QPCT: variants seen among roughly 807,000 people sequenced by gnomAD.
The protein encoded by QPCT is EC.
In QPCT, 44 loss-of-function variants were observed where a neutral mutation model predicts 43.4. The ratio of observed to expected loss-of-function variants is 1.01; its 90% CI spans 0.80 to 1.30. The LOEUF (loss-of-function observed/expected upper bound fraction) is 1.30. QPCT is among the 50% of genes most tolerant of loss of function. QPCT has a pLI of 0.00. For missense variants in QPCT, 526 were observed against 436.5 expected (o/e 1.21, Z -1.83); for synonymous variants, 168 against 168.4 (o/e 1.00, Z 0.02).
chr2:37,349,132 C>G (rs555253982), intron 1 of QPCT, among the ~76,000 whole-genome samples: 1 of 152,166 alleles, frequency 6.6e-6, no homozygotes, highest in Admixed American at 6.5e-5. Flanking sequence ...TGGTTGTTTC[C>G]TCTTCTCTGT....
At chr2:37,357,627 T>C (rs532431941) in intron 2 of QPCT, among the ~76,000 whole-genome samples, 1 of 152,356 alleles carries the variant, frequency 6.6e-6, no homozygotes, top group South Asian at 2.1e-4. Context: ...GTTAAGGTAC[T>C]GCATGCACAA....
In QPCT at chr2:37,359,826, C is replaced by T. The variant is rs377019889; in HGVS notation, c.514C>T (p.Arg172Cys). 1.1e-5 allele frequency: 18 copies of T among 1,614,014 alleles called. No individual in the cohort carries two copies. In the Middle Eastern group the frequency reaches 4.9e-4, roughly 44 times the overall value. Reference sequence around the variant, plus strand: ...ATGTGCAATGATGTTGGAACTTGCTCGTGCCTTAGACAAGAAACTCCTTTC... The same window carrying T: ...ATGTGCAATGATGTTGGAACTTGCTTGTGCCTTAGACAAGAAACTCCTTTC... ...VPCAMMLELA[R>C]ALDKKLLSLK... The change falls in exon 3 of 7, where the codon CGT becomes TGT. Residue 172 changes from arginine to cysteine, a missense_variant. Transcript: ENST00000338415.
rs759295112 is a variant in QPCT at position 37,372,846 on chromosome 2, G to T, written c.*19G>T. The T allele has an allele frequency of 2.8e-5, 44 of 1,577,476 alleles. No individual in the cohort carries two copies. The highest frequency in any genetic ancestry group is 3.6e-5 in the Non-Finnish European group (42 of 1,159,778). ...TTTGTAATACTCTGATTTAGTTTAG[G>T]ATAATTGGTTCTAGAATTGAATTCA... On this transcript the variant is annotated 3_prime_UTR_variant, in exon 7 of 7. Coordinates refer to ENST00000338415, the MANE Select transcript of QPCT (RefSeq NM_012413.4).
intron 3 of QPCT, among the ~76,000 whole-genome samples, chr2:37,363,192 A>T (rs1672888143): frequency 6.6e-6 from 1 of 152,224 alleles, no homozygotes; most frequent in Non-Finnish European, 1.5e-5. Flanking sequence ...AGTAATCCTC[A>T]GTGAAAACAC....
intron 3 of QPCT, among the ~76,000 whole-genome samples, chr2:37,364,984 A>G (rs1672933192): frequency 6.8e-6 from 1 of 147,312 alleles, no homozygotes; most frequent in Non-Finnish European, 1.5e-5. Flanking sequence ...GCAACATACT[A>G]AGGCTCCGCC....
At chr2:37,354,102 G>A (rs1378309960) in intron 2 of QPCT, among the ~76,000 whole-genome samples, 2 of 152,172 alleles carry the variant, frequency 1.3e-5, no homozygotes, top group African/African-American at 4.8e-5. Flanking sequence ...CTGACCTCGT[G>A]ATCCGCCCGC....
At chr2:37,354,438 A>G (rs565555734) in intron 2 of QPCT, among the ~76,000 whole-genome samples, 1 of 152,356 alleles carries the variant, frequency 6.6e-6, no homozygotes, top group South Asian at 2.1e-4. Context: ...TTCAGCCTTC[A>G]GAACAGTGTG....
chr2:37,348,092 T>C (rs1013389634), intron 1 of QPCT, among the ~76,000 whole-genome samples: 1 of 150,836 alleles, frequency 6.6e-6, no homozygotes, highest in Non-Finnish European at 1.5e-5. Flanking sequence ...GTGTGTGTTA[T>C]TGTTGTTGTT....
chr2:37,365,943 T>TC (rs1672950966), intron 3 of QPCT, among the ~76,000 whole-genome samples: 1 of 152,182 alleles, frequency 6.6e-6, no homozygotes, highest in Admixed American at 6.5e-5. Context: ...GGTTATATAT[T>TC]TTTTTCTCTG....
intron 3 of QPCT, among the ~76,000 whole-genome samples, chr2:37,364,947 T>C (rs1355943690): frequency 6.7e-6 from 1 of 148,968 alleles, no homozygotes; most frequent in Non-Finnish European, 1.5e-5. Flanking sequence ...TAACATATAA[T>C]ATGTATATAT....
intron 1 of QPCT, among the ~76,000 whole-genome samples, chr2:37,351,357 GC>G (rs1419614696): frequency 6.6e-6 from 1 of 152,140 alleles, no homozygotes; most frequent in Non-Finnish European, 1.5e-5. Flanking sequence ...ATTATTAGGT[GC>G]CTGATAAACA....
intron 4 of QPCT, 71 bp from the exon 5 acceptor site, chr2:37,369,614 T>C: frequency 8.7e-7 from 1 of 1,145,066 alleles, no homozygotes; most frequent in Non-Finnish European, 1.3e-6. Context: ...TTTGACTGAT[T>C]GTATTTCCCT....
chr2:37,366,823 G>A lies in QPCT; in HGVS notation c.547-409G>A, dbSNP rs539701265. 1.2e-4 allele frequency among the ~76,000 whole-genome samples: 18 copies of A among 152,222 alleles called. No homozygotes were observed. In the South Asian group the frequency reaches 3.7e-3, roughly 32 times the overall value. On this transcript the variant is annotated intron_variant, in intron 3 of 6. Coordinates refer to ENST00000338415, the MANE Select transcript of QPCT (RefSeq NM_012413.4). Reference sequence around the variant, plus strand: ...CCCGTACCCGTGTAGGTCAGCACTGGATGTGGGACACTCCCAGGAGGTGCA... The same window carrying A: ...CCCGTACCCGTGTAGGTCAGCACTGAATGTGGGACACTCCCAGGAGGTGCA...
chr2:37,371,824 G>A (rs965991162), intron 5 of QPCT, among the ~76,000 whole-genome samples: 2 of 152,108 alleles, frequency 1.3e-5, no homozygotes, highest in African/African-American at 4.8e-5. Context: ...TTTCTGACAC[G>A]TTCCTAGGTG....
chr2:37,372,019 T>C (rs1368723621), intron 5 of QPCT, among the ~76,000 whole-genome samples: 1 of 152,204 alleles, frequency 6.6e-6, no homozygotes, highest in Non-Finnish European at 1.5e-5. Context: ...TATAAGCATC[T>C]ACACCTGCAC....
At chr2:37,359,088 G>C (rs115708061) in intron 2 of QPCT, among the ~76,000 whole-genome samples, 1 of 152,162 alleles carries the variant, frequency 6.6e-6, no homozygotes, top group Non-Finnish European at 1.5e-5. Flanking sequence ...TATTAAAAGT[G>C]TACGTTACTA....
chr2:37,360,240 A>G (rs1414819430), intron 3 of QPCT, among the ~76,000 whole-genome samples: 1 of 152,194 alleles, frequency 6.6e-6, no homozygotes, highest in Admixed American at 6.5e-5. Context: ...TTCTGATCTG[A>G]GAGATGGTGG....
chr2:37,353,428 G>C (rs1032451771), intron 2 of QPCT, among the ~76,000 whole-genome samples: 1 of 151,206 alleles, frequency 6.6e-6, no homozygotes, highest in Non-Finnish European at 1.5e-5. Flanking sequence ...CTGACACAAA[G>C]TAAAAAAAAA....
intron 2 of QPCT, among the ~76,000 whole-genome samples, chr2:37,358,073 A>G (rs1672784666): frequency 6.6e-6 from 1 of 151,506 alleles, no homozygotes; most frequent in Non-Finnish European, 1.5e-5. Flanking sequence ...TATAAAAATA[A>G]TTTAAGGCAA....
Sources: allele counts gnomAD v4.1 joint callset (sites outside exome capture counted in the v4.1 genomes callset), GRCh38; gene constraint gnomAD v4.1.1; transcripts MANE v1.5; gene names NCBI Gene and HGNC (gene_info 2026-07-23, HGNC 2026-07-21).